LUZP2: variants seen among roughly 807,000 people sequenced by gnomAD.
LUZP2 encodes leucine zipper protein 2.
LUZP2 carries 52 observed loss-of-function variants against 51.6 expected under a neutral mutation model. The observed-to-expected ratio is 1.01, with a 90% CI of 0.81 to 1.27. LUZP2 has a LOEUF of 1.27. LUZP2 is among the 50% of genes most tolerant of loss of function. The probability of loss-of-function intolerance (pLI) is 0.00; values close to 1 mark genes in which losing one functional copy is unlikely to be tolerated. For missense variants in LUZP2, 436 were observed against 395.4 expected (o/e 1.10, Z -0.87); for synonymous variants, 154 against 137.3 (o/e 1.12, Z -0.85).
At chr11:24,516,663 G>A (rs1164543766) in intron 1 of LUZP2, among the ~76,000 whole-genome samples, 1 of 152,212 alleles carries the variant, frequency 6.6e-6, no homozygotes, top group East Asian at 1.9e-4. Flanking sequence ...AGGTAAGAGA[G>A]AAGTTAATCT....
chr11:24,921,331 G>A (rs1328386481), intron 7 of LUZP2, among the ~76,000 whole-genome samples: 2 of 152,138 alleles, frequency 1.3e-5, no homozygotes. Context: ...TTGACCAGGT[G>A]TGTCATTTAT....
intron 1 of LUZP2, among the ~76,000 whole-genome samples, chr11:24,699,598 G>A (rs1857358851): frequency 6.6e-6 from 1 of 151,168 alleles, no homozygotes; most frequent in Non-Finnish European, 1.5e-5. Flanking sequence ...AGATATAGAT[G>A]GAAATGTGAC....
intron 1 of LUZP2, among the ~76,000 whole-genome samples, chr11:24,619,838 A>G (rs1363369911): frequency 6.6e-6 from 1 of 152,194 alleles, no homozygotes; most frequent in Non-Finnish European, 1.5e-5. Flanking sequence ...TGTTCAGTAC[A>G]GATGCAATTT....
At chr11:24,920,219 G>T (rs531968807) in intron 7 of LUZP2, among the ~76,000 whole-genome samples, 45 of 152,000 alleles carry the variant, frequency 3.0e-4, no homozygotes, top group Admixed American at 6.6e-4. Context: ...GATTGTGTTT[G>T]TTGTTTATTG....
Position 24,678,521 on chromosome 11 carries a change from A to G in LUZP2, c.63-50648A>G, listed in dbSNP as rs117286535. Among the ~76,000 whole-genome samples, 278 of 149,232 alleles carry G rather than the reference A, an allele frequency of 1.9e-3. 3 individuals carry two copies. Among genetic ancestry groups the G allele is most frequent in the Middle Eastern group, 3.5e-3 (1 of 288 alleles). ...CTCTGAATTAAACACCTGTGAAAAG[A>G]AGGAAAAAATATTAAAAGAAAAAAA... On this transcript the variant is annotated intron_variant, in intron 1 of 11. Coordinates refer to ENST00000336930, the MANE Select transcript of LUZP2 (RefSeq NM_001009909.4).
At chr11:24,868,591 AT>A (rs1851963800) in intron 5 of LUZP2, among the ~76,000 whole-genome samples, 1 of 152,068 alleles carries the variant, frequency 6.6e-6, no homozygotes. Flanking sequence ...AAGAAATTAT[AT>A]TTTCTCCCTG....
intron 4 of LUZP2, among the ~76,000 whole-genome samples, chr11:24,749,049 C>T (rs1440637637): frequency 2.6e-5 from 4 of 152,176 alleles, no homozygotes; most frequent in Non-Finnish European, 5.9e-5. Context: ...GGGCATATCT[C>T]ACTCCTTTCT....
intron 9 of LUZP2, among the ~76,000 whole-genome samples, chr11:25,028,690 GT>G (rs368130152): frequency 0.073 from 10,467 of 144,360 alleles, 911 homozygotes; most frequent in African/African-American, 0.21. Flanking sequence ...TAATTTGCAT[GT>G]TTTTTTTTTT....
chr11:24,710,986 G>A (rs1428526351), intron 1 of LUZP2, among the ~76,000 whole-genome samples: 1 of 149,550 alleles, frequency 6.7e-6, no homozygotes, highest in African/African-American at 2.5e-5. Flanking sequence ...AAGAAAGAAG[G>A]GAGGGAGGTA....
chr11:24,997,784 A>G (rs1856552743), intron 9 of LUZP2, among the ~76,000 whole-genome samples: 1 of 152,092 alleles, frequency 6.6e-6, no homozygotes, highest in Admixed American at 6.6e-5. Context: ...TCCATCTTGA[A>G]TTAATTTTTG....
intron 5 of LUZP2, among the ~76,000 whole-genome samples, chr11:24,826,372 C>T (rs182902846): frequency 1.3e-5 from 2 of 151,114 alleles, no homozygotes; most frequent in South Asian, 2.1e-4. Context: ...AAAATGAAAC[C>T]GAATTGACTG....
intron 7 of LUZP2, among the ~76,000 whole-genome samples, chr11:24,917,516 G>T (rs976081966): frequency 2.0e-5 from 3 of 152,112 alleles, no homozygotes; most frequent in Non-Finnish European, 4.4e-5. Context: ...TTTGTATAAG[G>T]TGTAAGGAAG....
At chr11:25,035,327 A>G (rs368527450) in intron 9 of LUZP2, among the ~76,000 whole-genome samples, 6 of 152,152 alleles carry the variant, frequency 3.9e-5, no homozygotes, top group African/African-American at 1.4e-4. Context: ...CTGATAAACA[A>G]CTTCAGCAGT....
chr11:24,919,845 C>G (rs12291770), intron 7 of LUZP2, among the ~76,000 whole-genome samples: 1 of 150,558 alleles, frequency 6.6e-6, no homozygotes, highest in Non-Finnish European at 1.5e-5. Context: ...ATAGTTTACT[C>G]TCCCATCAGT....
intron 10 of LUZP2, among the ~76,000 whole-genome samples, chr11:25,068,671 C>A (rs79491792): frequency 2.0e-5 from 3 of 152,064 alleles, no homozygotes; most frequent in East Asian, 3.9e-4. Flanking sequence ...ACACAGAGAA[C>A]GCATTGACTT....
chr11:24,628,292 G>T (rs896617004), intron 1 of LUZP2, among the ~76,000 whole-genome samples: 1 of 151,918 alleles, frequency 6.6e-6, no homozygotes, highest in Admixed American at 6.6e-5. Flanking sequence ...AAACATGCTG[G>T]TCTTTGATCA....
chr11:24,654,206 T>A (rs984991534), intron 1 of LUZP2, among the ~76,000 whole-genome samples: 4 of 152,126 alleles, frequency 2.6e-5, no homozygotes, highest in African/African-American at 9.7e-5. Context: ...GGTAAGAACT[T>A]AAGAGAATTC....
intron 1 of LUZP2, among the ~76,000 whole-genome samples, chr11:24,726,016 G>T (rs745318842): frequency 6.6e-6 from 1 of 151,986 alleles, no homozygotes; most frequent in Non-Finnish European, 1.5e-5. Flanking sequence ...CAAACAACTT[G>T]ATTTTGGATT....
chr11:24,790,435 A>G (rs1050563595), intron 5 of LUZP2, among the ~76,000 whole-genome samples: 1 of 151,888 alleles, frequency 6.6e-6, no homozygotes, highest in Admixed American at 6.6e-5. Flanking sequence ...TCATAACTCC[A>G]TATTTCTAGG....
Sources: gnomAD v4.1 joint callset for allele counts (sites outside exome capture counted in the v4.1 genomes callset) on GRCh38, gnomAD v4.1.1 for gene constraint, MANE v1.5 for transcripts, NCBI Gene and HGNC (gene_info 2026-07-23, HGNC 2026-07-21) for gene names.